Variants in LNX1 observed in about 807,000 individuals in gnomAD.
LNX1 encodes ligand of numb-protein X 1.
A neutral mutation model predicts 68.4 loss-of-function variants in LNX1; 54 were observed. The ratio of observed to expected loss-of-function variants is 0.79; its 90% confidence interval spans 0.63 to 0.99. The LOEUF (loss-of-function observed/expected upper bound fraction) is 0.99, where lower values mean the gene tolerates loss of function less well. Ranked by LOEUF, LNX1 falls within the 50% of genes least tolerant of loss-of-function variation. The pLI, the probability that LNX1 is intolerant of heterozygous loss-of-function variation, is 0.00. For synonymous variants in LNX1, 336 were observed against 350.0 expected (o/e 0.96, Z 0.45); for missense variants, 906 against 926.4 (o/e 0.98, Z 0.29).
At chr4:53,645,240 G>A (rs1487071238) in intron 1 of LNX1, among the ~76,000 whole-genome samples, 1 of 152,210 alleles carries the variant, frequency 6.6e-6, no homozygotes, top group African/African-American at 2.4e-5. Context: ...GAACTCTCGG[G>A]AGGCTGGAGC....
At chr4:53,509,959 T>C (rs1243405690) in intron 2 of LNX1, among the ~76,000 whole-genome samples, 1 of 152,182 alleles carries the variant, frequency 6.6e-6, no homozygotes, top group Admixed American at 6.5e-5. Flanking sequence ...AGTACTAAAA[T>C]GAAAAGTTAT....
chr4:53,470,161 T>C (rs1723045531), intron 9 of LNX1, among the ~76,000 whole-genome samples: 2 of 152,226 alleles, frequency 1.3e-5, no homozygotes, highest in African/African-American at 4.8e-5. Context: ...GTGGGCTTCA[T>C]CCCTGGGATG....
chr4:53,485,214 T>A (rs1327193769), intron 6 of LNX1, among the ~76,000 whole-genome samples: 2 of 152,194 alleles, frequency 1.3e-5, no homozygotes, highest in Non-Finnish European at 2.9e-5. Context: ...GTGGTGAACA[T>A]TCAGGTCAAA....
chr4:53,571,473 C>G (rs1430596456), intron 2 of LNX1, among the ~76,000 whole-genome samples: 2 of 151,998 alleles, frequency 1.3e-5, no homozygotes, highest in African/African-American at 4.8e-5. Context: ...CTGGAAGATG[C>G]TATGCGGCTG....
At chr4:53,618,023 A>C (rs1184022383), upstream of LNX1, among the ~76,000 whole-genome samples, 1 of 152,112 alleles carries the variant, frequency 6.6e-6, no homozygotes, top group African/African-American at 2.4e-5. Context: ...GTGTTTTTGA[A>C]ATTTTTCAAA....
upstream of LNX1, among the ~76,000 whole-genome samples, chr4:53,592,577 C>T (rs562420641): frequency 5.9e-5 from 9 of 152,268 alleles, no homozygotes; most frequent in South Asian, 1.0e-3. Flanking sequence ...GGCCTGCCTG[C>T]CCAGAGAGAA....
chr4:53,565,654 CTT>C (rs1730624448), intron 2 of LNX1, among the ~76,000 whole-genome samples: 1 of 152,192 alleles, frequency 6.6e-6, no homozygotes. Context: ...CAGAGAATGA[CTT>C]TGACGAGCTG....
At chr4:53,498,546 T>C in intron 5 of LNX1, 95 bp downstream of exon 5, 1 of 831,000 alleles carries the variant, frequency 1.2e-6, no homozygotes, top group Admixed American at 2.0e-5. Flanking sequence ...ATTTTACCAT[T>C]TCCCTCATTC....
chr4:53,562,758 CTAAG>C (rs916126875), intron 2 of LNX1, among the ~76,000 whole-genome samples: 48 of 152,234 alleles, frequency 3.2e-4, no homozygotes, highest in African/African-American at 9.9e-4. Context: ...TAGAAAATTA[CTAAG>C]TGAGTACATT....
At chr4:53,472,691 AAAAAAAAAC>A (rs1560614591) in intron 9 of LNX1, among the ~76,000 whole-genome samples, 4 of 137,470 alleles carry the variant, frequency 2.9e-5, no homozygotes, top group East Asian at 2.1e-4. Flanking sequence ...ACAACAAAAA[AAAAAAAAAC>A]AAAAAACAAT....
At chr4:53,613,165 A>C (rs1186489180) in intron 2 of LNX1, among the ~76,000 whole-genome samples, 1 of 151,358 alleles carries the variant, frequency 6.6e-6, no homozygotes, top group Non-Finnish European at 1.5e-5. Context: ...GGAAGCACCA[A>C]GCCAAAAAAG....
At chr4:53,462,767 C>CAAT (rs1212372527) in intron 9 of LNX1, among the ~76,000 whole-genome samples, 1 of 152,134 alleles carries the variant, frequency 6.6e-6, no homozygotes, top group Non-Finnish European at 1.5e-5. Context: ...TCATCTATAA[C>CAAT]AATTTCTTTT....
chr4:53,548,331 T>C (rs2109687308), intron 2 of LNX1, among the ~76,000 whole-genome samples: 1 of 152,332 alleles, frequency 6.6e-6, no homozygotes, highest in East Asian at 1.9e-4. Flanking sequence ...CAGATTGTCA[T>C]AGAACTCTTA....
chr4:53,479,126 C>G (rs909304331), intron 7 of LNX1, among the ~76,000 whole-genome samples: 1 of 152,192 alleles, frequency 6.6e-6, no homozygotes, highest in Non-Finnish European at 1.5e-5. Flanking sequence ...TCTGGAACTC[C>G]TGGCTCCAAG....
chr4:53,637,114 A>T (rs1163337808), intron 1 of LNX1, among the ~76,000 whole-genome samples: 1 of 152,142 alleles, frequency 6.6e-6, no homozygotes, highest in Admixed American at 6.6e-5. Flanking sequence ...GTTTGATGAG[A>T]GGAAACCCAA....
intron 2 of LNX1, among the ~76,000 whole-genome samples, chr4:53,532,313 TA>T (rs1728073896): frequency 6.6e-6 from 1 of 151,906 alleles, no homozygotes; most frequent in South Asian, 2.1e-4. Context: ...CCATCTCTAC[TA>T]AAAATACAAA....
intron 2 of LNX1, among the ~76,000 whole-genome samples, chr4:53,606,450 C>T (rs1424410771): frequency 1.4e-5 from 2 of 148,064 alleles, no homozygotes; most frequent in African/African-American, 5.0e-5. Context: ...AAAAGCCTAC[C>T]AACCAGAAAA....
chr4:53,564,049 G>A (rs1336349725), intron 2 of LNX1, among the ~76,000 whole-genome samples: 1 of 152,214 alleles, frequency 6.6e-6, no homozygotes, highest in Non-Finnish European at 1.5e-5. Context: ...AGCTGCTGTG[G>A]GCGCCTGTGA....
At chr4:53,520,758 G>C (rs1296059257) in intron 2 of LNX1, among the ~76,000 whole-genome samples, 1 of 152,000 alleles carries the variant, frequency 6.6e-6, no homozygotes, top group Non-Finnish European at 1.5e-5. Flanking sequence ...AGTCAGGAGT[G>C]GGAGACCAGC....
Sources: allele counts gnomAD v4.1 joint callset (sites outside exome capture counted in the v4.1 genomes callset), GRCh38; gene constraint gnomAD v4.1.1; transcripts MANE v1.5; gene names NCBI Gene and HGNC (gene_info 2026-07-23, HGNC 2026-07-21).